Variants in CNOT4 observed in about 807,000 individuals in gnomAD.
The protein encoded by CNOT4 is CCR4-associated factor 4.
Under a neutral mutation model 73.8 loss-of-function variants are expected in CNOT4, and 8 were observed. That is an observed-to-expected ratio of 0.11 (90% CI 0.06 to 0.20). The LOEUF is 0.20. Ranked by LOEUF, CNOT4 falls within the 10% of genes least tolerant of loss-of-function variation. The pLI is 1.00. For synonymous variants in CNOT4, 293 were observed against 321.1 expected (o/e 0.91, Z 0.94); for missense variants, 564 against 883.4 (o/e 0.64, Z 4.58).
At chr7:135,399,594 A>G (rs1796895861) in intron 7 of CNOT4, among the ~76,000 whole-genome samples, 1 of 152,070 alleles carries the variant, frequency 6.6e-6, no homozygotes, top group Non-Finnish European at 1.5e-5. Context: ...AATTTCTTAA[A>G]ATTATTTTAT....
Position 135,438,390 on chromosome 7 carries a change from A to G in CNOT4, c.-59T>C, listed in dbSNP as rs904620841. 62 of 1,391,138 alleles carry G rather than the reference A, an allele frequency of 4.5e-5. No individual in the cohort carries two copies. The African/African-American group carries it at 6.8e-4, about 15-fold the overall frequency. 86.2% of individuals were successfully genotyped at this position (1,391,138 alleles called of 1,614,324 possible). On this transcript the variant is annotated 5_prime_UTR_variant, in exon 2 of 12. Transcript: ENST00000541284. ...AATAATTTAAGGGAGAAGGAAGTTC[A>G]GCACTGAAAGCTAAAATGTAGGACT... is the stretch of plus-strand genomic sequence containing the variant.
chr7:135,477,035 T>C (rs1802037721), intron 1 of CNOT4, among the ~76,000 whole-genome samples: 1 of 152,200 alleles, frequency 6.6e-6, no homozygotes, highest in Non-Finnish European at 1.5e-5. Flanking sequence ...ATAATGAATA[T>C]ATATGCTATA....
In CNOT4 at chr7:135,363,821, A is replaced by C. The variant is rs957310071; in HGVS notation, c.1840+33T>G. On this transcript the variant is annotated intron_variant, in intron 11 of 11. Coordinates refer to ENST00000541284, the MANE Select transcript of CNOT4 (RefSeq NM_001190850.2). This position sits in a 1 kb window ranked among gnomAD's most constrained non-coding sequence, Gnocchi z 4.3. ...CTGTGCTAAAAACCAAACTGTTGGC[A>C]GTCAGTGTAGCTGAAGGGAGTGAGA... is the stretch of plus-strand genomic sequence containing the variant. The C allele has an allele frequency of 2.6e-6, 4 of 1,518,158 alleles. No homozygotes were observed. Among genetic ancestry groups the C allele is most frequent in the Non-Finnish European group, 2.7e-6 (3 of 1,122,270 alleles). The allele number at this position is 1,518,158 out of a possible 1,614,324, so 94.0% of individuals were successfully genotyped here. A position where few individuals can be genotyped will look rare whatever the true frequency, so the allele number is the denominator to read the frequency against.
At chr7:135,475,885 T>C (rs905339047) in intron 1 of CNOT4, among the ~76,000 whole-genome samples, 1 of 152,158 alleles carries the variant, frequency 6.6e-6, no homozygotes, top group Non-Finnish European at 1.5e-5. Flanking sequence ...CACTCCAGCC[T>C]GGGTGACAGA....
intron 1 of CNOT4, among the ~76,000 whole-genome samples, chr7:135,479,434 C>T (rs1477032265): frequency 6.6e-6 from 1 of 151,736 alleles, no homozygotes; most frequent in East Asian, 1.9e-4. Context: ...TGGTCTCGAT[C>T]TCTTGACCTT....
In CNOT4 at chr7:135,362,010, A is replaced by T; in HGVS notation, c.*875T>A. The T allele has an allele frequency of 6.5e-6, 1 of 152,794 alleles. No individual in the cohort carries two copies. The highest frequency in any genetic ancestry group is 1.5e-5 in the Non-Finnish European group (1 of 68,048). The allele number at this position is 152,794 out of a possible 1,614,324, so 9.5% of individuals were successfully genotyped here. A position where few individuals can be genotyped will look rare whatever the true frequency, so the allele number is the denominator to read the frequency against. On this transcript the variant is annotated 3_prime_UTR_variant, in exon 12 of 12. Coordinates refer to ENST00000541284, the MANE Select transcript of CNOT4 (RefSeq NM_001190850.2). ...GAGATTTGCTCCCGATGGTGATCAG[A>T]TGGCCCCAGAGCAGTGCTATCTCAG...
chr7:135,388,979 C>T lies in CNOT4; in HGVS notation c.1627+4939G>A, dbSNP rs1360668188. On this transcript the variant is annotated intron_variant, in intron 10 of 11. Coordinates refer to ENST00000541284, the MANE Select transcript of CNOT4 (RefSeq NM_001190850.2). Reference sequence around the variant, plus strand: ...AAAAATGATTTCAATATTTGGAATACTGATACATATATAAAATACATGCTT... The same window carrying T: ...AAAAATGATTTCAATATTTGGAATATTGATACATATATAAAATACATGCTT... The T allele has an allele frequency of 4.8e-6, 6 of 1,252,378 alleles. No homozygotes were observed. The East Asian group carries it at 7.6e-5, about 16-fold the overall frequency. The allele number at this position is 1,252,378 out of a possible 1,614,324, so 77.6% of individuals were successfully genotyped here.
chr7:135,419,162 A>G (rs1281061629), intron 3 of CNOT4, among the ~76,000 whole-genome samples: 1 of 152,134 alleles, frequency 6.6e-6, no homozygotes, highest in African/African-American at 2.4e-5. Context: ...CTATCAACCA[A>G]CAAATGAATA....
chr7:135,435,666 G>A (rs1011881577), intron 2 of CNOT4, among the ~76,000 whole-genome samples: 1 of 151,944 alleles, frequency 6.6e-6, no homozygotes, highest in Admixed American at 6.6e-5. Context: ...CATGATGTTG[G>A]TTTTCCTGAA....
chr7:135,457,363 T>C (rs1247796578), intron 1 of CNOT4, among the ~76,000 whole-genome samples: 1 of 152,032 alleles, frequency 6.6e-6, no homozygotes, highest in East Asian at 1.9e-4. Flanking sequence ...TTTAATTTTA[T>C]GATTTGGCTA....
At chr7:135,377,398 T>C (rs1014513927) in intron 10 of CNOT4, among the ~76,000 whole-genome samples, 9 of 152,202 alleles carry the variant, frequency 5.9e-5, no homozygotes, top group Non-Finnish European at 1.0e-4. Context: ...ACTGTGCATG[T>C]GATGGGGCAG....
rs753753525 is a variant in CNOT4 at position 135,447,121 on chromosome 7, T to C, written c.-92-8698A>G. On this transcript the variant is annotated intron_variant, in intron 1 of 11. Transcript: ENST00000541284. ...ACGTAAAAGAAAGAATAAATTGTTA[T>C]ATGTCTGTTATAAATGACAACCTTC... Among the ~76,000 whole-genome samples the C allele has an allele frequency of 5.0e-5, 6 of 118,838 alleles. 1 individual carries two copies. Among genetic ancestry groups the C allele is most frequent in the Non-Finnish European group, 1.0e-4 (5 of 48,844 alleles). 78.0% of individuals were successfully genotyped at this position (118,838 alleles called of 152,430 possible). A position where few individuals can be genotyped will look rare whatever the true frequency, so the allele number is the denominator to read the frequency against.
At chr7:135,395,552 T>C (rs1328068586) in intron 9 of CNOT4, 82 bp downstream of exon 9, 1 of 1,410,780 alleles carries the variant, frequency 7.1e-7, no homozygotes, top group Non-Finnish European at 9.6e-7. Flanking sequence ...GATAAAAATA[T>C]ATCCACTAAT....
At chr7:135,420,368 G>T (rs551393137) in intron 3 of CNOT4, among the ~76,000 whole-genome samples, 14 of 151,666 alleles carry the variant, frequency 9.2e-5, no homozygotes, top group Non-Finnish European at 2.1e-4. Flanking sequence ...CTTGAGCTCA[G>T]GAGTTCAAGA....
chr7:135,397,112 G>C (rs954101108), intron 8 of CNOT4, among the ~76,000 whole-genome samples: 2 of 152,058 alleles, frequency 1.3e-5, no homozygotes, highest in Non-Finnish European at 2.9e-5. Flanking sequence ...CTATTTTTAA[G>C]AGAAGTATAT....
chr7:135,383,675 C>T (rs1795963375), intron 10 of CNOT4, among the ~76,000 whole-genome samples: 1 of 152,140 alleles, frequency 6.6e-6, no homozygotes, highest in African/African-American at 2.4e-5. Context: ...CAAACTCCAA[C>T]CCTCTCCTTT....
At chr7:135,446,754 C>A (rs1292548625) in intron 1 of CNOT4, among the ~76,000 whole-genome samples, 2 of 151,626 alleles carry the variant, frequency 1.3e-5, no homozygotes, top group South Asian at 2.1e-4. Context: ...CACACACATG[C>A]ACACTTTGGT....
chr7:135,494,178 T>C (rs752542959), intron 1 of CNOT4, among the ~76,000 whole-genome samples: 2 of 151,682 alleles, frequency 1.3e-5, no homozygotes, highest in Non-Finnish European at 2.9e-5. Flanking sequence ...TCTAAAAAAG[T>C]ACCACCAGCG....
rs1448777960 is a variant in CNOT4, at chr7:135,418,546, G to A, written c.373-3284C>T. Among the ~76,000 whole-genome samples, 8 of 152,140 alleles carry A rather than the reference G, an allele frequency of 5.3e-5. No individual in the cohort carries two copies. The East Asian group carries it at 1.5e-3, about 29-fold the overall frequency. The stretch of plus-strand genomic sequence containing the variant: ...AAACTTGGTAATCAGATGGATGAAT[G>A]AGTGAATAAATGAATGGATGGATGA... On this transcript the variant is annotated intron_variant, in intron 3 of 11. Transcript: ENST00000541284.
Sources: allele counts gnomAD v4.1 joint callset (sites outside exome capture counted in the v4.1 genomes callset), GRCh38; gene constraint gnomAD v4.1.1; non-coding constraint Gnocchi (gnomAD v3.1); transcripts MANE v1.5; gene names NCBI Gene and HGNC (gene_info 2026-07-23, HGNC 2026-07-21).